Variants in CC2D1A observed in about 807,000 individuals in gnomAD.
The protein encoded by CC2D1A is coiled-coil and C2 domain containing 1A, also known as coiled-coil and C2 domain-containing protein 1A.
A neutral mutation model predicts 123.8 loss-of-function variants in CC2D1A; 68 were observed. The ratio of observed to expected loss-of-function variants is 0.55; its 90% confidence interval spans 0.45 to 0.67. CC2D1A has a LOEUF of 0.67. Among genes scored for constraint, CC2D1A ranks in the 30% least tolerant of loss-of-function variants. CC2D1A has a pLI of 0.00. For missense variants in CC2D1A, 1,185 were observed against 1,290.3 expected, an observed-to-expected ratio of 0.92 and a Z score of 1.25; for synonymous variants, 477 against 528.0, an observed-to-expected ratio of 0.90 and a Z score of 1.32.
At position 13,926,888 on chromosome 19, in the gene CC2D1A, A is replaced by G; in HGVS notation, c.2125+16A>G. On this transcript the variant is annotated intron_variant, in intron 20 of 28. Coordinates refer to ENST00000318003, the MANE Select transcript of CC2D1A (RefSeq NM_017721.5). Reference sequence around the variant, plus strand: ...GACTCCCCTGGTGAGCCTCGGCTGGAAGCACCCTACCCCTACTCCCTTGCA... The same window carrying G: ...GACTCCCCTGGTGAGCCTCGGCTGGGAGCACCCTACCCCTACTCCCTTGCA... The G allele has an allele frequency of 6.2e-7, 1 of 1,613,914 alleles. No homozygotes were observed. The highest frequency in any genetic ancestry group is 1.1e-5 in the South Asian group (1 of 91,072).
At chr19:13,928,498 G>T (rs1020400673) in intron 24 of CC2D1A, among the ~76,000 whole-genome samples, 2 of 151,688 alleles carry the variant, frequency 1.3e-5, no homozygotes, top group Admixed American at 6.6e-5. Flanking sequence ...CCCCTACCTA[G>T]GGTAGGGGTG....
At chr19:13,919,796 C>G in intron 11 of CC2D1A, 22 bp from the exon 12 acceptor site, 2 of 1,573,252 alleles carry the variant, frequency 1.3e-6, no homozygotes, top group Non-Finnish European at 1.7e-6. Flanking sequence ...ACACAATAAC[C>G]AGGCCTCGAC....
rs1018036061 is a variant in CC2D1A at position 13,921,239 on chromosome 19, C to T, written c.1641+317C>T. On this transcript the variant is annotated intron_variant, in intron 14 of 28. Transcript: ENST00000318003. ...CTGTCAGAAGGACTAGAGAAAGAGG[C>T]AGAGCTAGTAGTCCCTTTTAAAGGA... Among the ~76,000 whole-genome samples the T allele has an allele frequency of 2.6e-5, 4 of 152,202 alleles. No homozygotes were observed. The South Asian group carries it at 8.3e-4, about 31-fold the overall frequency.
Position 13,923,270 on chromosome 19 carries a change from T to C in CC2D1A, c.1642-63T>C, listed in dbSNP as rs1209224889. ...CCTCGTCAAGGAAGAATGACATTTC[T>C]GCAGAGCCCTAGGTGGGCCTGCTTG... On this transcript the variant is annotated intron_variant, in intron 14 of 28. Coordinates refer to ENST00000318003, the MANE Select transcript of CC2D1A (RefSeq NM_017721.5). This position sits in a 1 kb window ranked among gnomAD's most constrained non-coding sequence, Gnocchi z 5.3. 22 of 1,526,736 alleles carry C rather than the reference T, an allele frequency of 1.4e-5. No individual in the cohort carries two copies. Among genetic ancestry groups the C allele is most frequent in the Non-Finnish European group, 1.7e-5 (20 of 1,144,492 alleles). 94.6% of individuals were successfully genotyped at this position (1,526,736 alleles called of 1,614,324 possible).
Position 13,911,545 on chromosome 19 carries a change from G to GT in CC2D1A, c.197-761dup, listed in dbSNP as rs556216830. On this transcript the variant is annotated intron_variant, in intron 2 of 28. Transcript: ENST00000318003. ...TTTTTTGTTGTTGTTGTGTGTGTGT[G>GT]TTTTTTTTTTTTTTTTTGGAGACAA... 2.9e-3 allele frequency among the ~76,000 whole-genome samples: 363 copies of GT among 127,270 alleles called. 1 individual carries two copies. Among genetic ancestry groups the GT allele is most frequent in the Non-Finnish European group, 3.1e-3 (186 of 59,184 alleles). The allele number at this position is 127,270 out of a possible 152,430, so 83.5% of individuals were successfully genotyped here.
chr19:13,920,003 T>C (rs1029284904), intron 12 of CC2D1A, 52 bp downstream of exon 12: 18 of 1,536,508 alleles, frequency 1.2e-5, no homozygotes, highest in Non-Finnish European at 1.5e-5. Flanking sequence ...TCCCAGCACT[T>C]TGGGAATCCA....
At chr19:13,913,382 C>T in intron 5 of CC2D1A, 22 bp from the exon 6 acceptor site, 1 of 1,611,678 alleles carries the variant, frequency 6.2e-7, no homozygotes, top group Non-Finnish European at 8.5e-7. Context: ...TCTCCCAAAC[C>T]AATACTCACG....
intron 6 of CC2D1A, among the ~76,000 whole-genome samples, chr19:13,917,269 A>G (rs567532699): frequency 1.3e-5 from 2 of 152,192 alleles, no homozygotes; most frequent in South Asian, 4.1e-4. Context: ...CAGGAGTTTG[A>G]GACTAGCCTG....
In CC2D1A at chr19:13,906,250, C is replaced by A. The variant is rs1970720791; in HGVS notation, c.-192C>A. 6.6e-6 allele frequency: 3 copies of A among 454,416 alleles called. No individual in the cohort carries two copies. The South Asian group carries it at 1.2e-4, about 19-fold the overall frequency. The allele number at this position is 454,416 out of a possible 1,614,324, so 28.1% of individuals were successfully genotyped here. On this transcript the variant is annotated 5_prime_UTR_variant, in exon 1 of 29. Coordinates refer to ENST00000318003, the MANE Select transcript of CC2D1A (RefSeq NM_017721.5). This position sits in a 1 kb window ranked among gnomAD's most constrained non-coding sequence, Gnocchi z 4.1. ...CGAGCCCAGTGGCCGCGCTCCGGTG[C>A]GGCGGCGCCCGAGGCCCGAGGCGGA...
rs552690870 is a variant in CC2D1A at position 13,913,363 on chromosome 19, C to T, written c.514-41C>T. The T allele has an allele frequency of 6.8e-6, 11 of 1,608,288 alleles. No homozygotes were observed. The Admixed American group carries it at 1.5e-4, about 22-fold the overall frequency. On this transcript the variant is annotated intron_variant, in intron 5 of 28. Coordinates refer to ENST00000318003, the MANE Select transcript of CC2D1A (RefSeq NM_017721.5). ...GCCAACCCCGATGCCCTGCACCAAG[C>T]TCTTGGCTTCTCCCAAACCAATACT...
At chr19:13,925,946 A>ATATATACGTATATATATG (rs1971585780) in intron 17 of CC2D1A, among the ~76,000 whole-genome samples, 7 of 121,814 alleles carry the variant, frequency 5.7e-5, no homozygotes, top group African/African-American at 2.6e-4. Context: ...ATATATATAT[A>ATATATACGTATATATATG]TATATATATA....
In CC2D1A at chr19:13,923,757, G is replaced by A. The variant is rs753071087; in HGVS notation, c.1886G>A (p.Arg629Gln). Residue 629 changes from arginine (R) to glutamine (Q), a missense_variant, in exon 17 of 29, where the codon CGG becomes CAG. Physicochemically the swap from Arg to Gln is conservative, Grantham distance 43 (BLOSUM62 1). Transcript: ENST00000318003. The surrounding 1 kb of genome is among the most constrained non-coding windows in gnomAD (Gnocchi z 5.3). ...SMDILKQAFV[R>Q]GLPTPTARFE... ...GACATTCTGAAGCAAGCCTTCGTCC[G>A]GGGTCTCCCCACGCCCACCGCCCGC... 4.6e-5 allele frequency: 75 copies of A among 1,613,978 alleles called. No individual in the cohort carries two copies. The highest frequency in any genetic ancestry group is 6.7e-5 in the East Asian group (3 of 44,888).
In CC2D1A at chr19:13,918,052, TG is replaced by T. The variant is rs1783904512; in HGVS notation, c.749-17del. 6.2e-7 allele frequency: 1 copy of T among 1,612,594 alleles called. No individual in the cohort carries two copies. Among genetic ancestry groups the T allele is most frequent in the African/African-American group, 1.3e-5 (1 of 74,884 alleles). On this transcript the variant is annotated splice_polypyrimidine_tract_variant and intron_variant, in intron 6 of 28. Transcript: ENST00000318003. ...GCCCAGGCCCTGGAGGCTTCCTGTA[TG>T]TTGTTCTCCCTTCCAGGTCCCTGCA...
chr19:13,923,369 C>G lies in CC2D1A; in HGVS notation c.1678C>G (p.Leu560Val). Reference protein sequence around the residue: ...PAPVNKDDFALVQRPGPGLSQ... With the variant: ...PAPVNKDDFAVVQRPGPGLSQ... Reference sequence around the variant, plus strand: ...CCCTGTCAACAAGGACGACTTTGCCCTGGTCCAGCGGCCTGGCCCGGGTCT... The same window carrying G: ...CCCTGTCAACAAGGACGACTTTGCCGTGGTCCAGCGGCCTGGCCCGGGTCT... The change falls in exon 15 of 29, where the codon CTG becomes GTG. Residue 560 changes from leucine (L) to valine (V), a missense_variant. Transcript: ENST00000318003. The surrounding 1 kb of genome is among the most constrained non-coding windows in gnomAD (Gnocchi z 5.3). 1 of 1,611,666 alleles carries G rather than the reference C, an allele frequency of 6.2e-7. No individual in the cohort carries two copies. The highest frequency in any genetic ancestry group is 8.5e-7 in the Non-Finnish European group (1 of 1,179,992).
chr19:13,908,974 G>A (rs917351816), intron 1 of CC2D1A, among the ~76,000 whole-genome samples: 4 of 150,978 alleles, frequency 2.6e-5, no homozygotes, highest in Admixed American at 6.6e-5. Context: ...TTGCCCAGGC[G>A]GAGTGCCGTA....
chr19:13,909,308 G>A (rs1050261397), intron 1 of CC2D1A, among the ~76,000 whole-genome samples: 51 of 151,980 alleles, frequency 3.4e-4, no homozygotes, highest in Admixed American at 5.2e-4. Flanking sequence ...CCCCGGAGGC[G>A]GAGGTTGCAG....
intron 2 of CC2D1A, among the ~76,000 whole-genome samples, chr19:13,911,545 GT>G (rs556216830): frequency 0.047 from 5,944 of 127,246 alleles, 300 homozygotes; most frequent in African/African-American, 0.14. Context: ...GTGTGTGTGT[GT>G]TTTTTTTTTT....
Position 13,923,584 on chromosome 19 carries a change from G to A in CC2D1A, c.1801G>A (p.Gly601Ser). 1 of 1,614,112 alleles carries A rather than the reference G, an allele frequency of 6.2e-7. No homozygotes were observed. Among genetic ancestry groups the A allele is most frequent in the Non-Finnish European group, 8.5e-7 (1 of 1,180,030 alleles). ...CCACTCAAACCAATTCACCCAGCTG[G>A]GCAACATCACTGAAACCACCAAGTA... ...LNHSNQFTQL[G>S]NITETTKFEK... The change falls in exon 16 of 29, where the codon GGC becomes AGC. Residue 601 changes from glycine to serine, a missense_variant. Physicochemically the swap from Gly to Ser is moderately conservative, Grantham distance 56. Transcript: ENST00000318003. This position sits in a 1 kb window ranked among gnomAD's most constrained non-coding sequence, Gnocchi z 5.3.
chr19:13,907,436 A>G (rs1027906127), intron 1 of CC2D1A, among the ~76,000 whole-genome samples: 9 of 152,052 alleles, frequency 5.9e-5, no homozygotes, highest in African/African-American at 2.2e-4. Flanking sequence ...AAAATTAAAA[A>G]TGGAAGTCCG....
Sources: gnomAD v4.1 joint callset for allele counts (sites outside exome capture counted in the v4.1 genomes callset) on GRCh38, gnomAD v4.1.1 for gene constraint, Gnocchi (gnomAD v3.1) non-coding constraint, MANE v1.5 for transcripts, NCBI Gene and HGNC (gene_info 2026-07-23, HGNC 2026-07-21) for gene names.